FREM3: variants seen among roughly 807,000 people sequenced by gnomAD.
The protein encoded by FREM3 is FRAS1 related extracellular matrix 3, also known as FRAS1-related extracellular matrix protein 3.
In FREM3, 105 loss-of-function variants were observed where a neutral mutation model predicts 129.1. That is an observed-to-expected ratio of 0.81 (90% CI 0.69 to 0.96). FREM3 has a LOEUF of 0.96. Among genes scored for constraint, FREM3 ranks in the 40% least tolerant of loss-of-function variants. FREM3 has a pLI of 0.00. For synonymous variants in FREM3, 1,014 were observed against 1,044.9 expected, an observed-to-expected ratio of 0.97 and a Z score of 0.57; for missense variants, 2,593 against 2,666.3, an observed-to-expected ratio of 0.97 and a Z score of 0.61.
Position 143,696,728 on chromosome 4 carries a change from C to T in FREM3, c.3948G>A (p.Lys1316=). The T allele has an allele frequency of 6.5e-7, 1 of 1,537,836 alleles. No individual in the cohort carries two copies. Among genetic ancestry groups the T allele is most frequent in the Non-Finnish European group, 8.7e-7 (1 of 1,147,046 alleles). Residue 1316 remains lysine (K), a synonymous_variant, in exon 1 of 8, where the codon AAG becomes AAA. Transcript: ENST00000329798. ...TPHLTVNNGL[K]VEKGHSEIIT... ...TGATCTCAGAGTGTCCTTTCTCTAC[C>T]TTCAGCCCATTGTTGACAGTCAGGT...
At chr4:143,660,351 C>G (rs1258075666) in intron 2 of FREM3, among the ~76,000 whole-genome samples, 1 of 152,060 alleles carries the variant, frequency 6.6e-6, no homozygotes, top group Non-Finnish European at 1.5e-5. Flanking sequence ...ATCCTTTCCC[C>G]ATTTCTTGTT....
chr4:143,586,056 G>C, intron 6 of FREM3, 63 bp from the exon 7 acceptor site: 1 of 1,480,780 alleles, frequency 6.8e-7, no homozygotes, highest in Non-Finnish European at 9.1e-7. Context: ...TGTCTCCTTT[G>C]GCCCTGTGTG....
intron 6 of FREM3, among the ~76,000 whole-genome samples, chr4:143,586,576 G>GA (rs1254236006): frequency 1.5e-4 from 23 of 152,270 alleles, no homozygotes; most frequent in Middle Eastern, 3.4e-3. Flanking sequence ...TGACTCCATA[G>GA]AAAAAGAAGG....
At position 143,612,377 on chromosome 4, in the gene FREM3, T is replaced by G. The variant is rs1738774223; in HGVS notation, c.5780-850A>C. Among the ~76,000 whole-genome samples the G allele has an allele frequency of 2.0e-5, 3 of 152,374 alleles. 1 individual carries two copies. Among genetic ancestry groups the G allele is most frequent in the Non-Finnish European group, 4.4e-5 (3 of 68,046 alleles). On this transcript the variant is annotated intron_variant, in intron 5 of 7. Transcript: ENST00000329798. ...TCATTTAGCACAATGCTTTTGAGAT[T>G]CATCCATGTACCATGATATGTTTTC...
In FREM3 at chr4:143,695,937, G is replaced by A. The variant is rs1344010424; in HGVS notation, c.4739C>T (p.Pro1580Leu). The change falls in exon 1 of 8, where the codon CCC (proline) becomes CTC (leucine). Residue 1580 changes from proline to leucine, a missense_variant. Pro to Leu is a moderately conservative substitution (Grantham distance 98). This residue lies in a region of FREM3 where 2,276 missense variants were observed against 2,267.2 expected (regional missense o/e 1.00). Transcript: ENST00000329798. Reference sequence around the variant, plus strand: ...ATTGTACAAAATCTTGCCATGCATGGGGACCTGGGTGATGGTAAAGAGAAT... The same window carrying A: ...ATTGTACAAAATCTTGCCATGCATGAGGACCTGGGTGATGGTAAAGAGAAT... ...DLILFTITQV[P>L]MHGKILYNGS... is the part of the protein sequence containing the mutation. The A allele has an allele frequency of 1.3e-6, 2 of 1,537,800 alleles. No homozygotes were observed. Among genetic ancestry groups the A allele is most frequent in the East Asian group, 2.4e-5 (1 of 40,902 alleles).
At chr4:143,595,736 A>G (rs1055872798) in intron 6 of FREM3, among the ~76,000 whole-genome samples, 4 of 152,080 alleles carry the variant, frequency 2.6e-5, no homozygotes, top group Non-Finnish European at 5.9e-5. Flanking sequence ...AAATACAAAA[A>G]AATTAGCCAG....
chr4:143,640,722 G>T (rs1371930987), intron 2 of FREM3, among the ~76,000 whole-genome samples: 1 of 151,948 alleles, frequency 6.6e-6, no homozygotes, highest in Admixed American at 6.6e-5. Flanking sequence ...TTTCTAGTTA[G>T]CAACAGAACC....
At position 143,664,434 on chromosome 4, in the gene FREM3, G is replaced by C. The variant is rs962069666; in HGVS notation, c.5275+28679C>G. Among the ~76,000 whole-genome samples the C allele has an allele frequency of 2.6e-5, 4 of 152,232 alleles. No individual in the cohort carries two copies. In the South Asian group the frequency reaches 8.3e-4, roughly 32 times the overall value. ...GAACCACGAATGCTGCTGTCTGATCGTTCCTCTGGAAGTTTTGTCTCAGAG... is the reference window on the plus strand; with the variant it reads ...GAACCACGAATGCTGCTGTCTGATCCTTCCTCTGGAAGTTTTGTCTCAGAG... On this transcript the variant is annotated intron_variant, in intron 2 of 7. Coordinates refer to ENST00000329798, the MANE Select transcript of FREM3 (RefSeq NM_001168235.2).
chr4:143,638,674 C>A (rs1275686045), intron 2 of FREM3, among the ~76,000 whole-genome samples: 3 of 151,948 alleles, frequency 2.0e-5, no homozygotes, highest in Non-Finnish European at 4.4e-5. Flanking sequence ...ATGTTTGATC[C>A]CTATGCTCTA....
At chr4:143,691,608 G>A (rs1206938905) in intron 2 of FREM3, among the ~76,000 whole-genome samples, 2 of 152,190 alleles carry the variant, frequency 1.3e-5, no homozygotes, top group Non-Finnish European at 2.9e-5. Flanking sequence ...CTTCAGGCAA[G>A]TTATTCAACC....
intron 2 of FREM3, among the ~76,000 whole-genome samples, chr4:143,629,317 C>A (rs1389374040): frequency 6.6e-6 from 1 of 152,132 alleles, no homozygotes; most frequent in Non-Finnish European, 1.5e-5. Flanking sequence ...AGCCCTCCTT[C>A]GCACTGCAGG....
intron 5 of FREM3, among the ~76,000 whole-genome samples, chr4:143,612,841 TA>T (rs1738785771): frequency 6.6e-6 from 1 of 152,194 alleles, no homozygotes. Context: ...TTTTGAAAAG[TA>T]TAAATATTTC....
intron 2 of FREM3, among the ~76,000 whole-genome samples, chr4:143,672,830 A>C (rs1017140308): frequency 2.0e-5 from 3 of 151,890 alleles, no homozygotes; most frequent in Non-Finnish European, 4.4e-5. Flanking sequence ...TTCTTGCTTC[A>C]TTTCGTTCAT....
intron 2 of FREM3, among the ~76,000 whole-genome samples, chr4:143,648,903 A>G (rs1033529943): frequency 6.6e-6 from 1 of 152,138 alleles, no homozygotes; most frequent in Non-Finnish European, 1.5e-5. Flanking sequence ...CTGAGACTAC[A>G]TGTGTGCACC....
chr4:143,609,947 C>G (rs928638124), intron 6 of FREM3, among the ~76,000 whole-genome samples: 1 of 152,116 alleles, frequency 6.6e-6, no homozygotes, highest in Non-Finnish European at 1.5e-5. Flanking sequence ...CCTCCTATCT[C>G]TTTGGTTTAA....
At chr4:143,588,922 T>C (rs1310155669) in intron 6 of FREM3, among the ~76,000 whole-genome samples, 1 of 151,568 alleles carries the variant, frequency 6.6e-6, no homozygotes, top group African/African-American at 2.4e-5. Context: ...CCTGACTTTT[T>C]AATGATCACC....
At chr4:143,642,109 C>T (rs1739329979) in intron 2 of FREM3, among the ~76,000 whole-genome samples, 2 of 152,232 alleles carry the variant, frequency 1.3e-5, no homozygotes, top group South Asian at 4.1e-4. Context: ...GGTGAAAGAC[C>T]TCTACACTGA....
intron 2 of FREM3, among the ~76,000 whole-genome samples, chr4:143,669,835 C>T (rs1376906517): frequency 2.0e-5 from 3 of 151,926 alleles, no homozygotes; most frequent in South Asian, 2.1e-4. Flanking sequence ...TTAGACATAG[C>T]GGGTACATGT....
intron 2 of FREM3, among the ~76,000 whole-genome samples, chr4:143,655,275 GA>G (rs1276640001): frequency 1.3e-5 from 2 of 152,154 alleles, no homozygotes; most frequent in Non-Finnish European, 2.9e-5. Context: ...AAATTATGTA[GA>G]AAAATATCAC....
Sources: gnomAD v4.1 joint callset for allele counts (sites outside exome capture counted in the v4.1 genomes callset) on GRCh38, gnomAD v4.1.1 for gene constraint, gnomAD v4.1.1 regional missense constraint, MANE v1.5 for transcripts, NCBI Gene and HGNC (gene_info 2026-07-23, HGNC 2026-07-21) for gene names.